The following FER variants were observed in gnomAD, a reference collection of about 807,000 sequenced individuals.
FER encodes the protein tyrosine-protein kinase Fer.
A neutral mutation model predicts 111.0 loss-of-function variants in FER; 63 were observed. The ratio of observed to expected loss-of-function variants is 0.57; its 90% CI spans 0.46 to 0.70. The LOEUF (loss-of-function observed/expected upper bound fraction) is 0.70, where lower values mean the gene tolerates loss of function less well. Ranked by LOEUF, FER falls within the 30% of genes least tolerant of loss-of-function variation. FER has a pLI of 0.00. For missense variants in FER, 914 were observed against 954.0 expected, an observed-to-expected ratio of 0.96 and a Z score of 0.55; for synonymous variants, 327 against 313.9, an observed-to-expected ratio of 1.04 and a Z score of -0.44.
intron 8 of FER, among the ~76,000 whole-genome samples, chr5:108,873,260 C>A (rs994317681): frequency 6.6e-6 from 1 of 152,118 alleles, no homozygotes. Context: ...TCTCATGCCT[C>A]AGCCTCCTGA....
intron 10 of FER, chr5:108,924,860 A>C: frequency 4.5e-6 from 5 of 1,114,990 alleles, no homozygotes; most frequent in African/African-American, 1.6e-5. Flanking sequence ...CCAGCAGGTC[A>C]TCTATTTTAT....
At chr5:109,155,056 CT>C (rs1403409783) in intron 17 of FER, among the ~76,000 whole-genome samples, 1 of 151,740 alleles carries the variant, frequency 6.6e-6, no homozygotes, top group Non-Finnish European at 1.5e-5. Context: ...AAGAGGAGCC[CT>C]AAATAGTTAC....
At chr5:109,182,602 G>A (rs1195728358) in intron 18 of FER, among the ~76,000 whole-genome samples, 5 of 152,108 alleles carry the variant, frequency 3.3e-5, no homozygotes, top group Non-Finnish European at 5.9e-5. Flanking sequence ...GCTGTAACTG[G>A]GCTTGGGAGT....
At chr5:109,162,675 T>G (rs963658893) in intron 17 of FER, among the ~76,000 whole-genome samples, 2 of 152,170 alleles carry the variant, frequency 1.3e-5, no homozygotes, top group African/African-American at 4.8e-5. Context: ...GCCCCTGTTT[T>G]GCAATCCCAT....
intron 10 of FER, among the ~76,000 whole-genome samples, chr5:108,936,089 A>AC (rs1755432407): frequency 6.6e-6 from 1 of 152,008 alleles, no homozygotes; most frequent in South Asian, 2.1e-4. Flanking sequence ...CGGCTGCTTG[A>AC]CCACATGACG....
At chr5:108,806,969 T>C (rs1453956600) in intron 3 of FER, among the ~76,000 whole-genome samples, 1 of 152,086 alleles carries the variant, frequency 6.6e-6, no homozygotes, top group Non-Finnish European at 1.5e-5. Context: ...TGGAATGATA[T>C]GGTTTAGCTG....
At chr5:109,187,373 G>A in intron 19 of FER, 60 bp from the exon 20 acceptor site, 4 of 1,564,784 alleles carry the variant, frequency 2.6e-6, no homozygotes, top group Non-Finnish European at 3.5e-6. Context: ...AATGCCCTGT[G>A]TGAACATTTT....
chr5:108,791,618 C>T (rs1580552850), intron 2 of FER, among the ~76,000 whole-genome samples: 1 of 148,798 alleles, frequency 6.7e-6, no homozygotes, highest in Non-Finnish European at 1.5e-5. Context: ...AATATTTTCT[C>T]CCATTCTGTA....
intron 16 of FER, among the ~76,000 whole-genome samples, chr5:109,085,450 G>C (rs1454456298): frequency 2.1e-5 from 3 of 145,892 alleles, no homozygotes; most frequent in Non-Finnish European, 3.0e-5. Context: ...TGCCAAATCT[G>C]GTGGATTTTT....
At chr5:108,940,285 G>A (rs1464503258) in intron 10 of FER, among the ~76,000 whole-genome samples, 1 of 151,984 alleles carries the variant, frequency 6.6e-6, no homozygotes, top group East Asian at 1.9e-4. Context: ...CATAAAAGAT[G>A]TTTTTATGTT....
At chr5:108,858,368 G>C (rs1487546875) in intron 5 of FER, among the ~76,000 whole-genome samples, 1 of 152,044 alleles carries the variant, frequency 6.6e-6, no homozygotes, top group Non-Finnish European at 1.5e-5. Context: ...ACTACAGTTT[G>C]GTATTTGTTT....
chr5:109,139,245 A>T (rs1342974850), intron 17 of FER, among the ~76,000 whole-genome samples: 1 of 149,822 alleles, frequency 6.7e-6, no homozygotes, highest in East Asian at 2.0e-4. Flanking sequence ...TCTTCCACAG[A>T]CTCCTTCCTG....
chr5:109,047,591 T>TTAAATTAA (rs1183422568), intron 16 of FER, among the ~76,000 whole-genome samples: 1 of 152,292 alleles, frequency 6.6e-6, no homozygotes, highest in East Asian at 1.9e-4. Flanking sequence ...TTCTAAATGT[T>TTAAATTAA]TAAATTAATT....
intron 10 of FER, among the ~76,000 whole-genome samples, chr5:108,944,734 G>T (rs971232702): frequency 1.3e-5 from 2 of 151,286 alleles, no homozygotes; most frequent in Non-Finnish European, 3.0e-5. Flanking sequence ...GCACTGGTTG[G>T]CATGTTTTAT....
rs1759399849 is a variant in FER, at chr5:109,191,778, A to G, written c.*4203A>G. Reference sequence around the variant, plus strand: ...TCATTTATTTTTCTATGTTTTGATTAGTTTCACATCAAGTCTGAATACTAT... The same window carrying G: ...TCATTTATTTTTCTATGTTTTGATTGGTTTCACATCAAGTCTGAATACTAT... On this transcript the variant is annotated 3_prime_UTR_variant, in exon 20 of 20. Coordinates refer to ENST00000281092, the MANE Select transcript of FER (RefSeq NM_005246.4). 1 of 152,160 alleles carries G rather than the reference A, an allele frequency of 6.6e-6. No homozygotes were observed. Among genetic ancestry groups the G allele is most frequent in the Non-Finnish European group, 1.5e-5 (1 of 68,020 alleles). The allele number at this position is 152,160 out of a possible 1,614,324, so 9.4% of individuals were successfully genotyped here.
At chr5:109,002,217 A>G in intron 13 of FER, among the ~76,000 whole-genome samples, 1 of 151,984 alleles carries the variant, frequency 6.6e-6, no homozygotes, top group Non-Finnish European at 1.5e-5. Context: ...ACCTGACTTC[A>G]AACTATACTA....
At chr5:108,852,130 A>ACT (rs1762598528) in intron 5 of FER, among the ~76,000 whole-genome samples, 1 of 152,354 alleles carries the variant, frequency 6.6e-6, no homozygotes, top group Non-Finnish European at 1.5e-5. Flanking sequence ...AAGCAGACAG[A>ACT]GTAAGAGGAT....
At chr5:109,086,077 CCTTTT>C (rs1427934681) in intron 16 of FER, among the ~76,000 whole-genome samples, 3 of 151,644 alleles carry the variant, frequency 2.0e-5, no homozygotes, top group Admixed American at 6.6e-5. Flanking sequence ...ATTTTCTTCT[CCTTTT>C]CTAAGAAAAT....
intron 13 of FER, among the ~76,000 whole-genome samples, chr5:108,985,827 C>T (rs1233698059): frequency 6.6e-6 from 1 of 152,126 alleles, no homozygotes; most frequent in East Asian, 1.9e-4. Context: ...TTTCTTTATC[C>T]ACTCATTGAT....
Sources: allele counts gnomAD v4.1 joint callset (sites outside exome capture counted in the v4.1 genomes callset), GRCh38; gene constraint gnomAD v4.1.1; transcripts MANE v1.5; gene names NCBI Gene and HGNC (gene_info 2026-07-23, HGNC 2026-07-21).